The following ZNF141 variants were observed in gnomAD, a reference collection of about 807,000 sequenced individuals.
The protein encoded by ZNF141 is zinc finger protein 141.
A neutral mutation model predicts 11.3 loss-of-function variants in ZNF141; 7 were observed. The observed-to-expected ratio is 0.62, with a 90% confidence interval of 0.35 to 1.16. ZNF141 has a LOEUF of 1.16. Among genes scored for constraint, ZNF141 ranks in the 50% most tolerant of loss-of-function variants. ZNF141 has a pLI of 0.02. For missense variants in ZNF141, 535 were observed against 554.0 expected (o/e 0.97, Z 0.34); for synonymous variants, 183 against 190.7 (o/e 0.96, Z 0.33).
intron 3 of ZNF141, among the ~76,000 whole-genome samples, chr4:361,369 G>A (rs562173484): frequency 6.8e-6 from 1 of 147,400 alleles, no homozygotes; most frequent in South Asian, 2.2e-4. Context: ...TTTGTAAGAT[G>A]TGTCAGAATA....
At chr4:362,286 T>C (rs893942010) in intron 3 of ZNF141, among the ~76,000 whole-genome samples, 2 of 152,232 alleles carry the variant, frequency 1.3e-5, no homozygotes, top group Non-Finnish European at 2.9e-5. Context: ...TAGCCCTTTG[T>C]TGGATGGGTA....
chr4:376,178 A>G lies in ZNF141; in HGVS notation c.*2316A>G, dbSNP rs1232499793. ...ACTTAAACCTATCCCACCTTACTCA[A>G]TGGTGTAGGTAAAAGATGGTAACAA... On this transcript the variant is annotated 3_prime_UTR_variant, in exon 4 of 4. Transcript: ENST00000240499. 6.6e-6 allele frequency among the ~76,000 whole-genome samples: 1 copy of G among 152,074 alleles called. No individual in the cohort carries two copies. Among genetic ancestry groups the G allele is most frequent in the Non-Finnish European group, 1.5e-5 (1 of 67,918 alleles).
chr4:379,485 C>T lies in ZNF141; in HGVS notation c.*5623C>T, dbSNP rs1275976305. Among the ~76,000 whole-genome samples, 1 of 152,230 alleles carries T rather than the reference C, an allele frequency of 6.6e-6. No individual in the cohort carries two copies. Among genetic ancestry groups the T allele is most frequent in the East Asian group, 1.9e-4 (1 of 5,188 alleles). ...CGCCTCTCAGGTTCAGGCGATTCTC[C>T]TGCCTCAGCCTCCTTATTAGCTGGC... is the stretch of plus-strand genomic sequence containing the variant. On this transcript the variant is annotated 3_prime_UTR_variant, in exon 4 of 4. Coordinates refer to ENST00000240499, the MANE Select transcript of ZNF141 (RefSeq NM_003441.4).
intron 1 of ZNF141, 145 bp downstream of exon 1, chr4:338,131 G>C (rs1553847863): frequency 9.7e-7 from 1 of 1,034,406 alleles, no homozygotes; most frequent in Non-Finnish European, 1.4e-6. Flanking sequence ...GAGGGACCTG[G>C]GCTCCTGTCG....
chr4:362,560 G>A (rs779331771), intron 3 of ZNF141, among the ~76,000 whole-genome samples: 1 of 152,124 alleles, frequency 6.6e-6, no homozygotes, highest in Middle Eastern at 3.2e-3. Flanking sequence ...TTTGTATAAG[G>A]CGTAAGGAAG....
Position 375,516 on chromosome 4 carries a change from A to T in ZNF141, c.*1654A>T, listed in dbSNP as rs1232792731. Among the ~76,000 whole-genome samples the T allele has an allele frequency of 6.6e-6, 1 of 152,120 alleles. No homozygotes were observed. The highest frequency in any genetic ancestry group is 2.4e-5 in the African/African-American group (1 of 41,464). ...AAAAAGAAGAGTATGTAAACATCAGAGGATTTACAGTAGAAAGAACTAAGG... is the reference window on the plus strand; with the variant it reads ...AAAAAGAAGAGTATGTAAACATCAGTGGATTTACAGTAGAAAGAACTAAGG... On this transcript the variant is annotated 3_prime_UTR_variant, in exon 4 of 4. Transcript: ENST00000240499.
chr4:350,583 C>T (rs1721549446), intron 3 of ZNF141, among the ~76,000 whole-genome samples: 3 of 152,050 alleles, frequency 2.0e-5, no homozygotes, highest in Admixed American at 2.0e-4. Context: ...ATCTATGTCC[C>T]CATTCAAATC....
chr4:373,326 A>G lies in ZNF141; in HGVS notation c.889A>G (p.Asn297Asp). ...ECRKIFTSSS[N>D]FAKHKRIHTG... ...TAGGAAAATCTTTACCTCATCCTCA[A>G]ACTTTGCCAAACATAAGCGAATTCA... Residue 297 changes from asparagine (N) to aspartate (D), a missense_variant, in exon 4 of 4, where the codon AAC (asparagine) becomes GAC (aspartate). Coordinates refer to ENST00000240499, the MANE Select transcript of ZNF141 (RefSeq NM_003441.4). The G allele has an allele frequency of 6.2e-7, 1 of 1,612,402 alleles. No individual in the cohort carries two copies. The highest frequency in any genetic ancestry group is 8.5e-7 in the Non-Finnish European group (1 of 1,179,510).
Position 375,939 on chromosome 4 carries a change from T to C in ZNF141, c.*2077T>C, listed in dbSNP as rs568634667. 1.3e-5 allele frequency among the ~76,000 whole-genome samples: 2 copies of C among 152,130 alleles called. No homozygotes were observed. Among genetic ancestry groups the C allele is most frequent in the Admixed American group, 1.3e-4 (2 of 15,266 alleles). On this transcript the variant is annotated 3_prime_UTR_variant, in exon 4 of 4. Transcript: ENST00000240499. ...GTAGTTGACAATATTGAGTGATGCA[T>C]GAGGTAGGTGTTCAGAGTAATATTC...
At chr4:351,928 T>G (rs1288509709) in intron 3 of ZNF141, among the ~76,000 whole-genome samples, 2 of 152,198 alleles carry the variant, frequency 1.3e-5, no homozygotes, top group Admixed American at 6.5e-5. Context: ...GTCATGGGGC[T>G]GTTTCTACAT....
At chr4:346,909 A>C (rs1553849687) in intron 3 of ZNF141, among the ~76,000 whole-genome samples, 1 of 130,628 alleles carries the variant, frequency 7.7e-6, no homozygotes, top group Non-Finnish European at 1.6e-5. Context: ...CCCCCCATAT[A>C]TTGGCTACTG....
At chr4:362,249 T>A (rs974401662) in intron 3 of ZNF141, among the ~76,000 whole-genome samples, 3 of 152,252 alleles carry the variant, frequency 2.0e-5, no homozygotes, top group Non-Finnish European at 4.4e-5. Flanking sequence ...TGTAAATTTG[T>A]TTGAATTCTT....
chr4:349,397 T>G (rs1560184419), intron 3 of ZNF141, among the ~76,000 whole-genome samples: 1 of 152,252 alleles, frequency 6.6e-6, no homozygotes, highest in Non-Finnish European at 1.5e-5. Context: ...ATGATGATAT[T>G]ATCCACAAAC....
chr4:372,634 G>A (rs1553853712), intron 3 of ZNF141, 30 bp from the exon 4 acceptor site: 11 of 1,450,342 alleles, frequency 7.6e-6, no homozygotes, highest in Non-Finnish European at 9.2e-6. Flanking sequence ...TCTACTAAGT[G>A]GGATAATTTG....
chr4:338,864 A>G (rs190541348), intron 1 of ZNF141, among the ~76,000 whole-genome samples: 227 of 152,328 alleles, frequency 1.5e-3, no homozygotes, highest in Non-Finnish European at 2.5e-3. Flanking sequence ...TCCTGTCAGA[A>G]GAAAGACATG....
At position 381,756 on chromosome 4, in the gene ZNF141, G is replaced by C. The variant is rs1712629589; in HGVS notation, c.*7894G>C. 6.6e-6 allele frequency among the ~76,000 whole-genome samples: 1 copy of C among 151,846 alleles called. No homozygotes were observed. On this transcript the variant is annotated 3_prime_UTR_variant, in exon 4 of 4. Coordinates refer to ENST00000240499, the MANE Select transcript of ZNF141 (RefSeq NM_003441.4). ...ATTTATGCAGCCATCTGGGAAGAAA[G>C]GAGACTTTTTACAACAGAGAATACC... is the stretch of plus-strand genomic sequence containing the variant.
At position 373,577 on chromosome 4, in the gene ZNF141, G is replaced by A. The variant is rs1560199621; in HGVS notation, c.1140G>A (p.Arg380=). 3 of 1,594,456 alleles carry A rather than the reference G, an allele frequency of 1.9e-6. No individual in the cohort carries two copies. Among genetic ancestry groups the A allele is most frequent in the South Asian group, 2.2e-5 (2 of 90,338 alleles). ...DECGKAFGRS[R]VLNEHKKIHT... ...GTGGCAAAGCCTTTGGACGGTCCAG[G>A]GTCCTGAATGAACATAAAAAAATTC... is the stretch of plus-strand genomic sequence containing the variant. Residue 380 remains arginine (R), a synonymous_variant, in exon 4 of 4, where the codon AGG becomes AGA. Coordinates refer to ENST00000240499, the MANE Select transcript of ZNF141 (RefSeq NM_003441.4).
At chr4:348,200 A>T (rs1721431876) in intron 3 of ZNF141, among the ~76,000 whole-genome samples, 1 of 151,984 alleles carries the variant, frequency 6.6e-6, no homozygotes, top group Non-Finnish European at 1.5e-5. Context: ...TAGGGTTTTT[A>T]AAAATTTTGT....
intron 3 of ZNF141, among the ~76,000 whole-genome samples, chr4:353,245 GA>G (rs1553850726): frequency 6.6e-6 from 1 of 151,732 alleles, no homozygotes; most frequent in Non-Finnish European, 1.5e-5. Flanking sequence ...ATGGTGGCAC[GA>G]ACTTGTATTC....
Sources: allele counts gnomAD v4.1 joint callset (sites outside exome capture counted in the v4.1 genomes callset), GRCh38; gene constraint gnomAD v4.1.1; transcripts MANE v1.5; gene names NCBI Gene and HGNC (gene_info 2026-07-23, HGNC 2026-07-21).